PCDHGA1: variants seen among roughly 807,000 people sequenced by gnomAD.
PCDHGA1 encodes protocadherin gamma subfamily A, 1.
Under a neutral mutation model 58.0 loss-of-function variants are expected in PCDHGA1, and 32 were observed. The observed-to-expected ratio is 0.55, with a 90% CI of 0.42 to 0.74. The LOEUF (loss-of-function observed/expected upper bound fraction) is 0.74, where lower values mean the gene tolerates loss of function less well. Among genes scored for constraint, PCDHGA1 ranks in the 30% least tolerant of loss-of-function variants. The pLI is 0.00. For synonymous variants in PCDHGA1, 498 were observed against 501.1 expected, an observed-to-expected ratio of 0.99 and a Z score of 0.08; for missense variants, 1,205 against 1,182.3, an observed-to-expected ratio of 1.02 and a Z score of -0.28.
At position 141,422,164 on chromosome 5, in the gene PCDHGA1, T is replaced by C. The variant is rs2096630287; in HGVS notation, c.2422-72643T>C. 2 of 1,568,668 alleles carry C rather than the reference T, an allele frequency of 1.3e-6. No homozygotes were observed. Among genetic ancestry groups the C allele is most frequent in the Non-Finnish European group, 1.7e-6 (2 of 1,162,894 alleles). On this transcript the variant is annotated intron_variant, in intron 1 of 3. Coordinates refer to ENST00000517417, the MANE Select transcript of PCDHGA1 (RefSeq NM_018912.3). ...ACGGGGGTCTCTGGATTTTGAAAAA[T>C]ATAGATTCTATGAGATGGAAATTCA... is the stretch of plus-strand genomic sequence containing the variant.
Position 141,477,029 on chromosome 5 carries a change from A to T in PCDHGA1, c.2422-17778A>T, listed in dbSNP as rs754045855. ...CTTAGACCTTGTAACCGGGATGCTG[A>T]CAATCAAGGGTCGGCTGGACTTCGA... On this transcript the variant is annotated intron_variant, in intron 1 of 3. Transcript: ENST00000517417. This position sits in a 1 kb window ranked among gnomAD's most constrained non-coding sequence, Gnocchi z 4.9. 2 of 1,614,238 alleles carry T rather than the reference A, an allele frequency of 1.2e-6. No homozygotes were observed. The highest frequency in any genetic ancestry group is 3.3e-5 in the Admixed American group (2 of 60,028).
Position 141,378,904 on chromosome 5 carries a change from T to C in PCDHGA1, c.2421+45799T>C, listed in dbSNP as rs947498432. 2.0e-5 allele frequency: 3 copies of C among 152,224 alleles called. 1 individual carries two copies. Among genetic ancestry groups the C allele is most frequent in the Non-Finnish European group, 4.4e-5 (3 of 68,030 alleles). 9.4% of individuals were successfully genotyped at this position (152,224 alleles called of 1,614,324 possible). A position where few individuals can be genotyped will look rare whatever the true frequency, so the allele number is the denominator to read the frequency against. ...ACTAAGGAGATAGGAGATTCTGTTA[T>C]CGACAGTCTTCAAAAGTAAGTTGAT... On this transcript the variant is annotated intron_variant, in intron 1 of 3. Transcript: ENST00000517417.
chr5:141,339,680 G>A (rs748377726), intron 1 of PCDHGA1: 28 of 1,614,040 alleles, frequency 1.7e-5, no homozygotes, highest in Non-Finnish European at 2.4e-5. Flanking sequence ...GGATGCGAAC[G>A]ACAATGCGCC....
chr5:141,403,741 T>G, intron 1 of PCDHGA1: 1 of 1,613,906 alleles, frequency 6.2e-7, no homozygotes. Context: ...GGCTGCTTAC[T>G]GCAACAGCCA....
intron 1 of PCDHGA1, chr5:141,427,916 G>T: frequency 1.3e-6 from 2 of 1,578,854 alleles, no homozygotes; most frequent in East Asian, 2.2e-5. Flanking sequence ...GCGCCAACAT[G>T]AGCCGGCGCA....
intron 1 of PCDHGA1, among the ~76,000 whole-genome samples, chr5:141,347,165 T>TTCTTTCTTTCTTTCTTTCTTTCTC (rs1757917255): frequency 6.8e-6 from 1 of 147,328 alleles, no homozygotes; most frequent in Admixed American, 6.8e-5. Flanking sequence ...CTTTCTTTCT[T>TTCTTTCTTTCTTTCTTTCTTTCTC]TCTTTCTTTC....
At chr5:141,426,581 CCT>C (rs898552856) in intron 1 of PCDHGA1, 1 of 358,350 alleles carries the variant, frequency 2.8e-6, no homozygotes, top group Non-Finnish European at 5.6e-6. Flanking sequence ...TCTTCAAAAT[CCT>C]CTGTGTCATA....
intron 1 of PCDHGA1, chr5:141,409,496 C>CT (rs1276498782): frequency 6.2e-7 from 1 of 1,614,044 alleles, no homozygotes; most frequent in South Asian, 1.1e-5. Context: ...CAAGCCGCCT[C>CT]TTTCTTCCAG....
chr5:141,389,223 G>C lies in PCDHGA1; in HGVS notation c.2421+56118G>C, dbSNP rs570029585. 4 of 1,613,876 alleles carry C rather than the reference G, an allele frequency of 2.5e-6. No individual in the cohort carries two copies. Among genetic ancestry groups the C allele is most frequent in the South Asian group, 2.2e-5 (2 of 91,090 alleles). Reference sequence around the variant, plus strand: ...GCACATTGGTGATGTAAATGACAACGCTCCGGTTTTCTCACAGTCTTCCTA... The same window carrying C: ...GCACATTGGTGATGTAAATGACAACCCTCCGGTTTTCTCACAGTCTTCCTA... On this transcript the variant is annotated intron_variant, in intron 1 of 3. Coordinates refer to ENST00000517417, the MANE Select transcript of PCDHGA1 (RefSeq NM_018912.3).
chr5:141,365,504 T>G, intron 1 of PCDHGA1: 1 of 1,613,984 alleles, frequency 6.2e-7, no homozygotes, highest in Non-Finnish European at 8.5e-7. Flanking sequence ...GAATTTGCCT[T>G]TTAAATTGGA....
At chr5:141,437,589 T>C (rs929281293) in intron 1 of PCDHGA1, among the ~76,000 whole-genome samples, 10 of 152,306 alleles carry the variant, frequency 6.6e-5, no homozygotes, top group African/African-American at 2.2e-4. Flanking sequence ...ATGAATTGGA[T>C]AGTTCTGGTG....
chr5:141,502,578 T>C (rs2099815145), intron 2 of PCDHGA1, among the ~76,000 whole-genome samples: 1 of 152,198 alleles, frequency 6.6e-6, no homozygotes, highest in African/African-American at 2.4e-5. Context: ...TATAAAAATA[T>C]ATTTTTATAA....
chr5:141,345,865 C>A (rs1250937992), intron 1 of PCDHGA1: 5 of 1,613,436 alleles, frequency 3.1e-6, no homozygotes, highest in Non-Finnish European at 4.2e-6. Flanking sequence ...CTGCTCAAGG[C>A]CAGCGAGCCG....
chr5:141,476,523 C>G lies in PCDHGA1; in HGVS notation c.2422-18284C>G. On this transcript the variant is annotated intron_variant, in intron 1 of 3. Transcript: ENST00000517417. This position sits in a 1 kb window ranked among gnomAD's most constrained non-coding sequence, Gnocchi z 7.6. ...ATCAACGACAACAATCCTGCTTTCC[C>G]TACCCAGGAAATGAAATTGGAGATT... is the stretch of plus-strand genomic sequence containing the variant. 1 of 1,614,218 alleles carries G rather than the reference C, an allele frequency of 6.2e-7. No individual in the cohort carries two copies.
intron 3 of PCDHGA1, among the ~76,000 whole-genome samples, chr5:141,507,856 A>T (rs1200072170): frequency 1.3e-5 from 2 of 151,926 alleles, no homozygotes; most frequent in Non-Finnish European, 2.9e-5. Flanking sequence ...TCTCACTTTC[A>T]CACCCGCTTC....
At chr5:141,437,668 G>A (rs72790049) in intron 1 of PCDHGA1, among the ~76,000 whole-genome samples, 16,651 of 151,822 alleles carry the variant, frequency 0.11, 1,007 homozygotes, top group African/African-American at 0.17. Context: ...TCGAAGAGAT[G>A]TTGATCAAAC....
chr5:141,371,918 C>T, intron 1 of PCDHGA1: 1 of 1,613,372 alleles, frequency 6.2e-7, no homozygotes, highest in African/African-American at 1.3e-5. Flanking sequence ...TGTCCGTGAG[C>T]GCGCGGAGCG....
At chr5:141,371,970 CG>C (rs748554819) in intron 1 of PCDHGA1, 402 of 1,613,132 alleles carry the variant, frequency 2.5e-4, no homozygotes, top group Non-Finnish European at 5.5e-5. Context: ...CGAGCAGCTG[CG>C]TGCCTTCGAG....
chr5:141,352,993 C>G (rs913213055), intron 1 of PCDHGA1, among the ~76,000 whole-genome samples: 6 of 152,214 alleles, frequency 3.9e-5, no homozygotes, highest in African/African-American at 1.4e-4. Flanking sequence ...TCTAAAAAAA[C>G]AAACAAACAA....
Sources: allele counts gnomAD v4.1 joint callset (sites outside exome capture counted in the v4.1 genomes callset), GRCh38; gene constraint gnomAD v4.1.1; non-coding constraint Gnocchi (gnomAD v3.1); transcripts MANE v1.5; gene names NCBI Gene and HGNC (gene_info 2026-07-23, HGNC 2026-07-21).